The following FARS2 variants were observed in gnomAD, a reference collection of about 807,000 sequenced individuals.
The protein encoded by FARS2 is phenylalanine--tRNA ligase, mitochondrial.
Under a neutral mutation model 46.4 loss-of-function variants are expected in FARS2, and 40 were observed. The ratio of observed to expected loss-of-function variants is 0.86; its 90% CI spans 0.67 to 1.12. The LOEUF (loss-of-function observed/expected upper bound fraction) is 1.12. Among genes scored for constraint, FARS2 ranks in the 50% most tolerant of loss-of-function variants. The probability of loss-of-function intolerance (pLI) is 0.00; values close to 1 mark genes in which losing one functional copy is unlikely to be tolerated. For missense variants in FARS2, 513 were observed against 567.9 expected (o/e 0.90, Z 0.98); for synonymous variants, 234 against 214.9 (o/e 1.09, Z -0.78).
chr6:5,402,950 G>C (rs1761348375), intron 2 of FARS2, among the ~76,000 whole-genome samples: 1 of 152,036 alleles, frequency 6.6e-6, no homozygotes, highest in African/African-American at 2.4e-5. Context: ...GCTTGCTCTT[G>C]CTTACTTCAA....
At chr6:5,392,866 ATAT>A (rs1442609964) in intron 2 of FARS2, among the ~76,000 whole-genome samples, 1 of 147,676 alleles carries the variant, frequency 6.8e-6, no homozygotes, top group African/African-American at 2.5e-5. Context: ...GTGTGTGTAT[ATAT>A]TATATATATG....
At chr6:5,577,357 A>AGTGTGT (rs61361841) in intron 5 of FARS2, among the ~76,000 whole-genome samples, 2 of 151,014 alleles carry the variant, frequency 1.3e-5, no homozygotes, top group South Asian at 2.1e-4. Context: ...AGAGAGAGTG[A>AGTGTGT]GTGTGTGTGT....
intron 3 of FARS2, among the ~76,000 whole-genome samples, chr6:5,412,571 G>T (rs184779585): frequency 3.9e-5 from 6 of 152,300 alleles, no homozygotes; most frequent in Non-Finnish European, 7.4e-5. Flanking sequence ...ACTTGATCAT[G>T]TGTAATAAGG....
intron 6 of FARS2, among the ~76,000 whole-genome samples, chr6:5,660,384 G>T (rs1212527208): frequency 6.6e-6 from 1 of 152,132 alleles, no homozygotes; most frequent in Non-Finnish European, 1.5e-5. Flanking sequence ...TGGCTCACAG[G>T]CCCGTAATTC....
chr6:5,637,550 A>G (rs529455133), intron 6 of FARS2, among the ~76,000 whole-genome samples: 14 of 152,242 alleles, frequency 9.2e-5, no homozygotes, highest in Non-Finnish European at 1.9e-4. Flanking sequence ...CCAAATTTCT[A>G]TGTTGCTTCC....
intron 5 of FARS2, among the ~76,000 whole-genome samples, chr6:5,602,687 T>G (rs1774602552): frequency 6.7e-6 from 1 of 149,012 alleles, no homozygotes; most frequent in Non-Finnish European, 1.5e-5. Context: ...CTCCCAGGAT[T>G]TTAACCTTGG....
chr6:5,532,777 T>TAAGAAGAAGAAGAAGAAG (rs573860204), intron 4 of FARS2, among the ~76,000 whole-genome samples: 36 of 143,458 alleles, frequency 2.5e-4, no homozygotes, highest in African/African-American at 9.9e-4. Flanking sequence ...ATAATAATAA[T>TAAGAAGAAGAAGAAGAAG]AATAATAAGA....
At chr6:5,541,478 G>C (rs905385903) in intron 4 of FARS2, among the ~76,000 whole-genome samples, 5 of 152,166 alleles carry the variant, frequency 3.3e-5, no homozygotes, top group Admixed American at 1.3e-4. Context: ...CTACCAATCT[G>C]TTATCTGTCT....
chr6:5,536,701 G>C (rs1402476895), intron 4 of FARS2, among the ~76,000 whole-genome samples: 2 of 152,144 alleles, frequency 1.3e-5, no homozygotes, highest in Non-Finnish European at 2.9e-5. Context: ...CTCAAGTAAG[G>C]ATTTTACTCT....
intron 6 of FARS2, among the ~76,000 whole-genome samples, chr6:5,650,424 G>A (rs1777295136): frequency 6.6e-6 from 1 of 152,038 alleles, no homozygotes; most frequent in Admixed American, 6.5e-5. Context: ...TTAATTCAAG[G>A]AGATTTACCA....
intron 1 of FARS2, among the ~76,000 whole-genome samples, chr6:5,301,564 C>T (rs1561942714): frequency 1.3e-5 from 2 of 151,452 alleles, no homozygotes; most frequent in East Asian, 1.9e-4. Flanking sequence ...ACCCACCTAC[C>T]CCATCTCCTG....
rs1468165631 is a variant in FARS2 at position 5,765,821 on chromosome 6, TCC to T, written c.1218-5467_1218-5466del. Reference sequence around the variant, plus strand: ...GAGCTGGTTGAGGGCAGATACTGGGTCCCCTTCATGTGCTTCTCTGTGTCCAA... The same window carrying T: ...GAGCTGGTTGAGGGCAGATACTGGGTCCTTCATGTGCTTCTCTGTGTCCAA... On this transcript the variant is annotated intron_variant, in intron 6 of 6. Transcript: ENST00000274680. This position sits in a 1 kb window ranked among gnomAD's most constrained non-coding sequence, Gnocchi z 4.0. 2.0e-5 allele frequency among the ~76,000 whole-genome samples: 3 copies of T among 152,074 alleles called. No individual in the cohort carries two copies. The highest frequency in any genetic ancestry group is 2.9e-5 in the Non-Finnish European group (2 of 68,010).
rs1415179485 is a variant in FARS2, at chr6:5,432,499, AT to A, written c.904+1333del. Among the ~76,000 whole-genome samples the A allele has an allele frequency of 1.7e-3, 202 of 120,910 alleles. 1 individual carries two copies. Among genetic ancestry groups the A allele is most frequent in the Non-Finnish European group, 2.8e-3 (173 of 61,650 alleles). The allele number at this position is 120,910 out of a possible 152,430, so 79.3% of individuals were successfully genotyped here. ...TTTATATATAATATATATTATATATATTTTTTATATCCCAATCATATATATA... is the reference window on the plus strand; with the variant it reads ...TTTATATATAATATATATTATATATATTTTTATATCCCAATCATATATATA... On this transcript the variant is annotated intron_variant, in intron 4 of 6. Coordinates refer to ENST00000274680, the MANE Select transcript of FARS2 (RefSeq NM_006567.5).
chr6:5,493,298 T>A (rs1201816840), intron 4 of FARS2, among the ~76,000 whole-genome samples: 7 of 152,188 alleles, frequency 4.6e-5, no homozygotes, highest in Admixed American at 4.6e-4. Flanking sequence ...GGACAGTTGC[T>A]TTTCATTCTC....
chr6:5,660,767 G>A (rs945622883), intron 6 of FARS2, among the ~76,000 whole-genome samples: 5 of 152,156 alleles, frequency 3.3e-5, no homozygotes, highest in Non-Finnish European at 7.4e-5. Context: ...TCCCTGGCAG[G>A]AAAAGAAATC....
At chr6:5,476,218 G>A (rs1157745268) in intron 4 of FARS2, among the ~76,000 whole-genome samples, 1 of 152,138 alleles carries the variant, frequency 6.6e-6, no homozygotes, top group Non-Finnish European at 1.5e-5. Context: ...GGATATGGAT[G>A]GAACATGCCC....
intron 6 of FARS2, among the ~76,000 whole-genome samples, chr6:5,750,440 G>A (rs978543199): frequency 1.3e-5 from 2 of 152,152 alleles, no homozygotes; most frequent in Non-Finnish European, 2.9e-5. Flanking sequence ...GGACAATGGA[G>A]ATATTTTCAG....
intron 4 of FARS2, among the ~76,000 whole-genome samples, chr6:5,508,246 G>T (rs1195351631): frequency 6.6e-6 from 1 of 152,254 alleles, no homozygotes; most frequent in Non-Finnish European, 1.5e-5. Context: ...CACCAGGAAT[G>T]TAGGTGATCC....
intron 4 of FARS2, among the ~76,000 whole-genome samples, chr6:5,457,387 A>G (rs993184051): frequency 6.6e-6 from 1 of 152,132 alleles, no homozygotes; most frequent in Non-Finnish European, 1.5e-5. Flanking sequence ...TCCCTGCTGC[A>G]CCATCCACAG....
Sources: allele counts gnomAD v4.1 joint callset (sites outside exome capture counted in the v4.1 genomes callset), GRCh38; gene constraint gnomAD v4.1.1; non-coding constraint Gnocchi (gnomAD v3.1); transcripts MANE v1.5; gene names NCBI Gene and HGNC (gene_info 2026-07-23, HGNC 2026-07-21).